The following TRPM6 variants were observed in gnomAD, a reference collection of about 807,000 sequenced individuals.
TRPM6 encodes transient receptor potential cation channel subfamily M member 6, also known as channel kinase 2.
Under a neutral mutation model 247.6 loss-of-function variants are expected in TRPM6, and 111 were observed. That is an observed-to-expected ratio of 0.45 (90% CI 0.38 to 0.52). The LOEUF (loss-of-function observed/expected upper bound fraction) is 0.52. TRPM6 is among the 20% of genes least tolerant of loss of function. The probability of loss-of-function intolerance (pLI) is 0.00; values close to 1 mark genes in which losing one functional copy is unlikely to be tolerated. For missense variants in TRPM6, 2,126 were observed against 2,421.5 expected (o/e 0.88, Z 2.56); for synonymous variants, 892 against 853.8 (o/e 1.04, Z -0.78).
rs1466080931 is a variant in TRPM6 at position 74,788,631 on chromosome 9, T to C, written c.2650A>G (p.Ile884Val). 5.6e-6 allele frequency: 9 copies of C among 1,613,814 alleles called. No homozygotes were observed. The highest frequency in any genetic ancestry group is 2.2e-5 in the East Asian group (1 of 44,892). Residue 884 changes from isoleucine to valine, a missense_variant, in exon 20 of 39, where the codon ATT becomes GTT. Around this residue, in one of 3 missense-constraint regions of TRPM6, gnomAD observed 1,082 missense variants for 1,307.9 expected, o/e 0.83. Transcript: ENST00000360774. ...TAACTCACCTCCCTGACCACCTCAA[T>C]AGCATTGGTGAAGATGTAAATGCTA... ...LVSIYIFTNAIEVVREICISE... is the reference protein window; with the variant it reads ...LVSIYIFTNAVEVVREICISE...
At chr9:74,738,726 A>G in intron 35 of TRPM6, 114 bp from the exon 36 acceptor site, 1 of 882,146 alleles carries the variant, frequency 1.1e-6, no homozygotes, top group Non-Finnish European at 1.9e-6. Flanking sequence ...TGCAGCCTCA[A>G]TGCACATGCC....
rs546454629 is a variant in TRPM6 at position 74,786,964 on chromosome 9, C to T, written c.2668-839G>A. Among the ~76,000 whole-genome samples the T allele has an allele frequency of 7.6e-4, 115 of 152,198 alleles. 1 individual carries two copies. Among genetic ancestry groups the T allele is most frequent in the African/African-American group, 2.4e-3 (101 of 41,518 alleles). The stretch of plus-strand genomic sequence containing the variant: ...CTGTAATCCCAACACTTTGGGAGGC[C>T]GAGGCAGGTGGATCACTTGAGGTCA... On this transcript the variant is annotated intron_variant, in intron 20 of 38. Transcript: ENST00000360774.
At position 74,775,996 on chromosome 9, in the gene TRPM6, T is replaced by C; in HGVS notation, c.3290A>G (p.Glu1097Gly). Residue 1097 changes from glutamate (E) to glycine (G), a missense_variant, in exon 24 of 39, where the codon GAG becomes GGG. Coordinates refer to ENST00000360774, the MANE Select transcript of TRPM6 (RefSeq NM_017662.5). The part of the protein sequence containing the change: ...NRYRYIMTYH[E>G]KPWLPPPLIL... ...GAGAGGTGGGGGCAGCCAGGGCTTCTCGTGGTAGGTCATGATGTAGCGATA... is the reference window on the plus strand; with the variant it reads ...GAGAGGTGGGGGCAGCCAGGGCTTCCCGTGGTAGGTCATGATGTAGCGATA... 2 of 1,614,160 alleles carry C rather than the reference T, an allele frequency of 1.2e-6. No individual in the cohort carries two copies. Among genetic ancestry groups the C allele is most frequent in the Non-Finnish European group, 1.7e-6 (2 of 1,180,030 alleles).
At chr9:74,761,310 A>C (rs1360774877) in intron 27 of TRPM6, among the ~76,000 whole-genome samples, 1 of 152,244 alleles carries the variant, frequency 6.6e-6, no homozygotes, top group Non-Finnish European at 1.5e-5. Flanking sequence ...ACTTGTACAC[A>C]AATGTTCATA....
chr9:74,796,888 A>C lies in TRPM6; in HGVS notation c.2244T>G (p.Ile748Met). The C allele has an allele frequency of 1.9e-6, 3 of 1,613,612 alleles. No homozygotes were observed. The highest frequency in any genetic ancestry group is 1.7e-6 in the Non-Finnish European group (2 of 1,179,556). Residue 748 changes from isoleucine (I) to methionine (M), a missense_variant, in exon 18 of 39, where the codon ATT becomes ATG. Coordinates refer to ENST00000360774, the MANE Select transcript of TRPM6 (RefSeq NM_017662.5). ...KMRKNSWLKIIISIILPPTIL... is the reference protein window; with the variant it reads ...KMRKNSWLKIMISIILPPTIL... ...TGGTGGGTGGTAAAATAATGCTTAT[A>C]ATAATCTGTAAAAGAAAAAAAAGCA...
intron 2 of TRPM6, among the ~76,000 whole-genome samples, chr9:74,856,620 G>A (rs182289805): frequency 1.0e-3 from 156 of 152,214 alleles, no homozygotes; most frequent in African/African-American, 3.5e-3. Context: ...AGCCTTTTGG[G>A]AATGCCTTTT....
chr9:74,833,319 AT>A (rs1829606664), intron 6 of TRPM6, among the ~76,000 whole-genome samples: 1 of 152,228 alleles, frequency 6.6e-6, no homozygotes, highest in Non-Finnish European at 1.5e-5. Flanking sequence ...AAAAAATTAT[AT>A]TAGTCTTACA....
At chr9:74,798,986 A>C (rs1032842891) in intron 17 of TRPM6, among the ~76,000 whole-genome samples, 2 of 152,186 alleles carry the variant, frequency 1.3e-5, no homozygotes, top group Non-Finnish European at 2.9e-5. Flanking sequence ...ACTACCAGCT[A>C]TCTATATCTT....
At chr9:74,885,282 A>C (rs1485296699) in intron 1 of TRPM6, among the ~76,000 whole-genome samples, 1 of 152,234 alleles carries the variant, frequency 6.6e-6, no homozygotes, top group East Asian at 1.9e-4. Context: ...GATGCATGTA[A>C]GTGGTAGTGG....
At position 74,780,159 on chromosome 9, in the gene TRPM6, G is replaced by A. The variant is rs1167059790; in HGVS notation, c.3209+2203C>T. 2.2e-5 allele frequency among the ~76,000 whole-genome samples: 3 copies of A among 136,946 alleles called. No homozygotes were observed. The Admixed American group carries it at 2.3e-4, about 10-fold the overall frequency. 89.8% of individuals were successfully genotyped at this position (136,946 alleles called of 152,430 possible). A position where few individuals can be genotyped will look rare whatever the true frequency, so the allele number is the denominator to read the frequency against. ...TGCAGTCCAGCCTGGACAACAGAGA[G>A]AGACTCAAAAAAAAAAAAGTGACAG... is the stretch of plus-strand genomic sequence containing the variant. On this transcript the variant is annotated intron_variant, in intron 23 of 38. Transcript: ENST00000360774.
intron 3 of TRPM6, among the ~76,000 whole-genome samples, chr9:74,849,257 A>G (rs1830208739): frequency 6.6e-6 from 1 of 151,574 alleles, no homozygotes; most frequent in Admixed American, 6.6e-5. Context: ...AGGCTAACAC[A>G]GGAGAATCGC....
Position 74,733,817 on chromosome 9 carries a change from C to CA in TRPM6, c.5777-1082dup, listed in dbSNP as rs879158214. 2.6e-5 allele frequency among the ~76,000 whole-genome samples: 4 copies of CA among 152,162 alleles called. No homozygotes were observed. In the South Asian group the frequency reaches 8.3e-4, roughly 32 times the overall value. ...AGATGATCTGCCCACCTCAGCCTCC[C>CA]AAAGTGCTGGGATTACAGGCGTGAG... On this transcript the variant is annotated intron_variant, in intron 36 of 38. Coordinates refer to ENST00000360774, the MANE Select transcript of TRPM6 (RefSeq NM_017662.5).
At chr9:74,834,776 T>C (rs1269662699) in intron 5 of TRPM6, among the ~76,000 whole-genome samples, 1 of 152,162 alleles carries the variant, frequency 6.6e-6, no homozygotes, top group African/African-American at 2.4e-5. Context: ...CTCATCCCTT[T>C]TATGGCTGCA....
intron 3 of TRPM6, among the ~76,000 whole-genome samples, chr9:74,852,021 A>G (rs1587580331): frequency 1.3e-5 from 2 of 151,906 alleles, no homozygotes; most frequent in East Asian, 3.9e-4. Flanking sequence ...GGAGGGGGGT[A>G]GCTACTCAGG....
chr9:74,887,814 C>CT lies in TRPM6; in HGVS notation c.33+9dup. 1 of 1,614,172 alleles carries CT rather than the reference C, an allele frequency of 6.2e-7. No homozygotes were observed. Among genetic ancestry groups the CT allele is most frequent in the South Asian group, 1.1e-5 (1 of 91,080 alleles). ...CCTTGTTCCCCGCCAGTCGAGCAGCCTGAGCTTACCTGCAAGCGCTCCAAG... is the reference window on the plus strand; with the variant it reads ...CCTTGTTCCCCGCCAGTCGAGCAGCCTTGAGCTTACCTGCAAGCGCTCCAAG... On this transcript the variant is annotated intron_variant, in intron 1 of 38. Transcript: ENST00000360774.
chr9:74,776,208 C>T (rs1280508102), intron 23 of TRPM6, 132 bp from the exon 24 acceptor site: 12 of 775,896 alleles, frequency 1.5e-5, no homozygotes, highest in Admixed American at 7.8e-5. Context: ...ATACTATCCA[C>T]GTGTTTACAA....
At chr9:74,785,267 T>A (rs536580696) in intron 21 of TRPM6, among the ~76,000 whole-genome samples, 1 of 152,264 alleles carries the variant, frequency 6.6e-6, no homozygotes, top group African/African-American at 2.4e-5. Flanking sequence ...ACAGTTCAAA[T>A]CTAGCCTGCA....
At chr9:74,818,458 A>G (rs559505988) in intron 9 of TRPM6, among the ~76,000 whole-genome samples, 27 of 151,926 alleles carry the variant, frequency 1.8e-4, no homozygotes, top group African/African-American at 6.5e-4. Flanking sequence ...ACCCGCCACT[A>G]TGCCTGGCTA....
intron 34 of TRPM6, 111 bp from the exon 35 acceptor site, chr9:74,739,560 C>G (rs1825796345): frequency 6.7e-7 from 1 of 1,482,594 alleles, no homozygotes; most frequent in East Asian, 2.3e-5. Context: ...CAACTCCCAC[C>G]ACTGCCTGCC....
Sources: allele counts gnomAD v4.1 joint callset (sites outside exome capture counted in the v4.1 genomes callset), GRCh38; gene constraint gnomAD v4.1.1; regional missense constraint gnomAD v4.1.1; transcripts MANE v1.5; gene names NCBI Gene and HGNC (gene_info 2026-07-23, HGNC 2026-07-21).